Variants in ZRANB1 observed in about 807,000 individuals in gnomAD.
ZRANB1 encodes the protein ubiquitin thioesterase ZRANB1.
A neutral mutation model predicts 80.5 loss-of-function variants in ZRANB1; 16 were observed. That is an observed-to-expected ratio of 0.20 (90% CI 0.13 to 0.30). ZRANB1 has a LOEUF of 0.30. Among genes scored for constraint, ZRANB1 ranks in the 10% least tolerant of loss-of-function variants. ZRANB1 has a pLI of 1.00. For synonymous variants in ZRANB1, 291 were observed against 293.1 expected, an observed-to-expected ratio of 0.99 and a Z score of 0.07; for missense variants, 576 against 862.6, an observed-to-expected ratio of 0.67 and a Z score of 4.16.
chr10:124,930,934 G>A, the ZRANB1 span, among the ~76,000 whole-genome samples: 4 of 152,246 alleles, frequency 2.6e-5, no homozygotes, highest in East Asian at 5.8e-4. Flanking sequence ...GGAGGCTGAG[G>A]TGGGAGGATC....
chr10:124,944,372 A>T (rs1355179765), intron 1 of ZRANB1, among the ~76,000 whole-genome samples: 1 of 151,946 alleles, frequency 6.6e-6, no homozygotes, highest in African/African-American at 2.4e-5. Flanking sequence ...TCTTTTATTT[A>T]TCCCTCTGGG....
intron 1 of ZRANB1, among the ~76,000 whole-genome samples, chr10:124,955,339 G>A (rs1327073171): frequency 6.6e-6 from 1 of 151,600 alleles, no homozygotes; most frequent in Non-Finnish European, 1.5e-5. Context: ...GGGTTCAAGT[G>A]ATCCTCCTGC....
the ZRANB1 span, among the ~76,000 whole-genome samples, chr10:124,933,049 A>G: frequency 3.3e-5 from 5 of 151,372 alleles, no homozygotes; most frequent in Non-Finnish European, 7.4e-5. Flanking sequence ...GGTTTTTGGT[A>G]TTCTTATTCT....
chr10:124,966,538 G>C, intron 1 of ZRANB1, 56 bp from the exon 2 acceptor site: 2 of 1,554,908 alleles, frequency 1.3e-6, no homozygotes, highest in South Asian at 2.3e-5. Flanking sequence ...GCTACGGTTT[G>C]TGTTTTTTGA....
the ZRANB1 span, among the ~76,000 whole-genome samples, chr10:124,930,871 A>C: frequency 6.6e-6 from 1 of 151,966 alleles, no homozygotes; most frequent in African/African-American, 2.4e-5. Flanking sequence ...CTCTAATAAA[A>C]ATTTAAAAAA....
intron 1 of ZRANB1, among the ~76,000 whole-genome samples, chr10:124,944,782 C>G (rs1390775208): frequency 6.6e-6 from 1 of 152,140 alleles, no homozygotes; most frequent in Non-Finnish European, 1.5e-5. Context: ...GCATAATTTG[C>G]TGTGCCCAGC....
chr10:124,951,832 CT>C (rs1951641285), intron 1 of ZRANB1, among the ~76,000 whole-genome samples: 1 of 152,112 alleles, frequency 6.6e-6, no homozygotes, highest in Non-Finnish European at 1.5e-5. Context: ...TGGCGGGCAT[CT>C]GTAATCCCAG....
At chr10:124,924,703 A>T in the ZRANB1 span, among the ~76,000 whole-genome samples, 9 of 152,084 alleles carry the variant, frequency 5.9e-5, no homozygotes, top group African/African-American at 2.2e-4. Flanking sequence ...TTGTTTATCC[A>T]TTCATTGATT....
In ZRANB1 at chr10:124,942,281, A is replaced by T; in HGVS notation, c.-213A>T. 7.2e-7 allele frequency: 1 copy of T among 1,380,894 alleles called. No homozygotes were observed. Among genetic ancestry groups the T allele is most frequent in the Non-Finnish European group, 9.3e-7 (1 of 1,070,522 alleles). 85.5% of individuals were successfully genotyped at this position (1,380,894 alleles called of 1,614,324 possible). A position where few individuals can be genotyped will look rare whatever the true frequency, so the allele number is the denominator to read the frequency against. ...TCTAAGATTTTTTCTTTGAGAATTT[A>T]TCTCCAGTGTTTCTATGGAAATTAA... On this transcript the variant is annotated 5_prime_UTR_variant, in exon 1 of 9. Transcript: ENST00000359653.
At chr10:124,951,040 T>TA (rs371717638) in intron 1 of ZRANB1, among the ~76,000 whole-genome samples, 13,859 of 148,942 alleles carry the variant, frequency 0.093, 835 homozygotes, top group Admixed American at 0.16. Context: ...ACACCTTGTT[T>TA]AAAAAAAAAA....
intron 1 of ZRANB1, among the ~76,000 whole-genome samples, chr10:124,960,844 A>C (rs529085594): frequency 6.6e-6 from 1 of 152,340 alleles, no homozygotes; most frequent in East Asian, 1.9e-4. Flanking sequence ...TTTAGTTTCA[A>C]ATTCAGCCAG....
At chr10:124,952,516 C>G (rs577160973) in intron 1 of ZRANB1, among the ~76,000 whole-genome samples, 1 of 152,316 alleles carries the variant, frequency 6.6e-6, no homozygotes, top group Non-Finnish European at 1.5e-5. Context: ...AATTCTAAGA[C>G]AGAAAGTTTG....
At chr10:124,979,505 G>A (rs1007456377) in intron 5 of ZRANB1, among the ~76,000 whole-genome samples, 1 of 152,050 alleles carries the variant, frequency 6.6e-6, no homozygotes, top group African/African-American at 2.4e-5. Flanking sequence ...TTGAAATCAC[G>A]AGTCTTTAAT....
chr10:124,973,668 G>A lies in ZRANB1; in HGVS notation c.1180G>A (p.Val394Ile). The A allele has an allele frequency of 1.9e-6, 3 of 1,612,574 alleles. No individual in the cohort carries two copies. Among genetic ancestry groups the A allele is most frequent in the South Asian group, 1.1e-5 (1 of 90,620 alleles). Reference protein sequence around the residue: ...PADIEDLPPTVQEKLFDEVLD... With the variant: ...PADIEDLPPTIQEKLFDEVLD... ...AGATATTGAAGATTTGCCCCCAACA[G>A]TCCAAGAAAAATTATTTGATGAGGT... Residue 394 changes from valine to isoleucine, a missense_variant, in exon 4 of 9, where the codon GTC becomes ATC. This residue lies in a region of ZRANB1 where 411 missense variants were observed against 583.1 expected (regional missense o/e 0.70). Transcript: ENST00000359653.
intron 5 of ZRANB1, 26 bp from the exon 6 acceptor site, chr10:124,981,683 A>ATT: frequency 1.3e-6 from 2 of 1,573,370 alleles, no homozygotes; most frequent in Non-Finnish European, 1.7e-6. Context: ...CTATTTATTT[A>ATT]TTTTTTTACT....
chr10:124,929,425 T>A, the ZRANB1 span, among the ~76,000 whole-genome samples: 1 of 151,442 alleles, frequency 6.6e-6, no homozygotes, highest in Non-Finnish European at 1.5e-5. Flanking sequence ...AACGTCCGTC[T>A]ACAGTATTCA....
Position 124,983,388 on chromosome 10 carries a change from G to A in ZRANB1, c.1679-71G>A. The stretch of plus-strand genomic sequence containing the variant: ...AGGAAGGAGCAGTGGACAGGGGAAT[G>A]TGAACAAGGGCAGTGAGGGAGTGGC... On this transcript the variant is annotated intron_variant, in intron 7 of 8. Coordinates refer to ENST00000359653, the MANE Select transcript of ZRANB1 (RefSeq NM_017580.3). This position sits in a 1 kb window ranked among gnomAD's most constrained non-coding sequence, Gnocchi z 6.2. The A allele has an allele frequency of 6.3e-7, 1 of 1,593,092 alleles. No individual in the cohort carries two copies. Among genetic ancestry groups the A allele is most frequent in the Non-Finnish European group, 8.6e-7 (1 of 1,167,062 alleles).
intron 1 of ZRANB1, among the ~76,000 whole-genome samples, chr10:124,947,532 A>G (rs1951595217): frequency 6.6e-6 from 1 of 152,212 alleles, no homozygotes; most frequent in South Asian, 2.1e-4. Flanking sequence ...TCTGTGCTGT[A>G]ATGTGTATTC....
At chr10:124,931,579 C>T in the ZRANB1 span, among the ~76,000 whole-genome samples, 2 of 152,150 alleles carry the variant, frequency 1.3e-5, no homozygotes, top group African/African-American at 4.8e-5. Flanking sequence ...CCATGTTGAC[C>T]AGGCTGGTCT....
Sources: gnomAD v4.1 joint callset for allele counts (sites outside exome capture counted in the v4.1 genomes callset) on GRCh38, gnomAD v4.1.1 for gene constraint, gnomAD v4.1.1 regional missense constraint, Gnocchi (gnomAD v3.1) non-coding constraint, MANE v1.5 for transcripts, NCBI Gene and HGNC (gene_info 2026-07-23, HGNC 2026-07-21) for gene names.